The following RMDN2 variants were observed in gnomAD, a reference collection of about 807,000 sequenced individuals.
RMDN2 encodes the protein regulator of microtubule dynamics 2.
In RMDN2, 61 loss-of-function variants were observed where a neutral mutation model predicts 52.8. The ratio of observed to expected loss-of-function variants is 1.16; its 90% CI spans 0.94 to 1.43. The LOEUF is 1.43. RMDN2 is among the 40% of genes most tolerant of loss of function. RMDN2 has a pLI of 0.00. For missense variants in RMDN2, 592 were observed against 475.3 expected (o/e 1.25, Z -2.28); for synonymous variants, 180 against 153.1 (o/e 1.18, Z -1.30).
rs1671066944 is a variant in RMDN2, at chr2:37,966,460, C to G, written c.453-7580C>G. ...CTTACATTTGTATTTCATTGTGTTT[C>G]CTAGATTTGGCTTTGGCCGTTGTTT... On this transcript the variant is annotated intron_variant, in intron 2 of 10. Transcript: ENST00000354545. Among the ~76,000 whole-genome samples the G allele has an allele frequency of 1.8e-3, 3 of 1,706 alleles. No individual in the cohort carries two copies. In the South Asian group the frequency reaches 0.083, roughly 47 times the overall value. 1.1% of individuals were successfully genotyped at this position (1,706 alleles called of 152,430 possible).
intron 1 of RMDN2, among the ~76,000 whole-genome samples, chr2:37,926,943 C>G (rs1017356697): frequency 1.5e-4 from 22 of 150,302 alleles, no homozygotes; most frequent in African/African-American, 4.9e-4. Flanking sequence ...AAAAAAAAAG[C>G]TATGTAAATG....
intron 10 of RMDN2, among the ~76,000 whole-genome samples, chr2:38,048,369 G>T (rs554588149): frequency 2.9e-4 from 44 of 152,172 alleles, no homozygotes; most frequent in Non-Finnish European, 5.1e-4. Context: ...TATTTCTTGG[G>T]CAGGACTTTA....
chr2:37,932,942 G>C (rs1476754940), intron 2 of RMDN2, among the ~76,000 whole-genome samples: 1 of 151,560 alleles, frequency 6.6e-6, no homozygotes, highest in Non-Finnish European at 1.5e-5. Flanking sequence ...TCCCGGACGA[G>C]GTGGCTGCCG....
At position 38,017,714 on chromosome 2, in the gene RMDN2, A is replaced by G. The variant is rs1678997837; in HGVS notation, c.*475A>G. On this transcript the variant is annotated 3_prime_UTR_variant, in exon 11 of 11. Transcript: ENST00000354545. ...ACTGGTAATCAAAAGATGTGAATAA[A>G]ATTACAATAAAATACTGTTTTACCA... The G allele has an allele frequency of 2.5e-6, 1 of 407,718 alleles. No homozygotes were observed. The highest frequency in any genetic ancestry group is 2.4e-5 in the South Asian group (1 of 40,850). The allele number at this position is 407,718 out of a possible 1,614,324, so 25.3% of individuals were successfully genotyped here. A position where few individuals can be genotyped will look rare whatever the true frequency, so the allele number is the denominator to read the frequency against.
chr2:37,998,003 C>G, intron 8 of RMDN2: 1 of 168,346 alleles, frequency 5.9e-6, no homozygotes, highest in Non-Finnish European at 1.3e-5. Context: ...GGGTATCAGA[C>G]CAAATCAGTA....
upstream of RMDN2, among the ~76,000 whole-genome samples, chr2:37,924,376 TTTTG>T (rs761817750): frequency 3.9e-5 from 6 of 152,162 alleles, no homozygotes; most frequent in Non-Finnish European, 7.4e-5. Flanking sequence ...GTATGTACTG[TTTTG>T]TTTTTGTTTT....
chr2:37,938,146 A>C (rs1206559812), intron 2 of RMDN2, among the ~76,000 whole-genome samples: 2 of 152,092 alleles, frequency 1.3e-5, no homozygotes, highest in Non-Finnish European at 2.9e-5. Flanking sequence ...GCATCTATTG[A>C]GATAATCGTG....
chr2:37,932,815 G>A lies in RMDN2; in HGVS notation c.452+3086G>A, dbSNP rs1358618497. Among the ~76,000 whole-genome samples the A allele has an allele frequency of 3.8e-4, 50 of 131,710 alleles. 4 individuals carry two copies. The highest frequency in any genetic ancestry group is 6.0e-4 in the Non-Finnish European group (35 of 58,172). The allele number at this position is 131,710 out of a possible 152,430, so 86.4% of individuals were successfully genotyped here. A position where few individuals can be genotyped will look rare whatever the true frequency, so the allele number is the denominator to read the frequency against. ...GACGGGGCGGCTGGCTGGGCGGGGG[G>A]CTGACCCCCCGACCTCCCTCCCGGA... On this transcript the variant is annotated intron_variant, in intron 2 of 10. Transcript: ENST00000354545.
downstream of RMDN2, among the ~76,000 whole-genome samples, chr2:38,020,708 G>A (rs1025498585): frequency 6.6e-6 from 1 of 152,184 alleles, no homozygotes; most frequent in South Asian, 2.1e-4. Context: ...GCTCACTGGC[G>A]GTGTGCTGGA....
chr2:37,980,561 C>T (rs1281596665), intron 4 of RMDN2, among the ~76,000 whole-genome samples: 3 of 152,160 alleles, frequency 2.0e-5, no homozygotes, highest in Non-Finnish European at 2.9e-5. Context: ...GCCTCGGCCT[C>T]CCAAAGTGCT....
At chr2:37,966,008 A>C (rs1315868291) in intron 2 of RMDN2, among the ~76,000 whole-genome samples, 2 of 152,154 alleles carry the variant, frequency 1.3e-5, no homozygotes, top group Admixed American at 1.3e-4. Flanking sequence ...CCTTAAATGT[A>C]ATGAGTTGCT....
intron 10 of RMDN2, among the ~76,000 whole-genome samples, chr2:38,061,682 G>A (rs1455525568): frequency 4.0e-5 from 4 of 99,252 alleles, no homozygotes; most frequent in Non-Finnish European, 9.1e-5. Flanking sequence ...ATAATTAACT[G>A]AAATCTTATT....
At chr2:38,057,785 C>T (rs541419157) in intron 10 of RMDN2, among the ~76,000 whole-genome samples, 149 of 152,266 alleles carry the variant, frequency 9.8e-4, no homozygotes, top group African/African-American at 3.4e-3. Context: ...GTATGTAGCA[C>T]CTTCCCCCTC....
rs1401455956 is a variant in RMDN2 at position 37,981,327 on chromosome 2, G to A, written c.775G>A (p.Gly259Arg). Residue 259 changes from glycine to arginine, a missense_variant, in exon 5 of 11, where the codon GGA becomes AGA. Gly to Arg is a moderately radical substitution (Grantham distance 125). Transcript: ENST00000354545. ...AGCTATTAATAGAGCACCCATGAATGGACATTGTCATCTGTGGTAAGTGTA... is the reference window on the plus strand; with the variant it reads ...AGCTATTAATAGAGCACCCATGAATAGACATTGTCATCTGTGGTAAGTGTA... ...ERAINRAPMN[G>R]HCHLWYAVLC... 1.2e-6 allele frequency: 2 copies of A among 1,606,130 alleles called. No individual in the cohort carries two copies. Among genetic ancestry groups the A allele is most frequent in the Non-Finnish European group, 1.7e-6 (2 of 1,172,958 alleles).
intron 10 of RMDN2, chr2:38,036,705 TTTC>T (rs1388260260): frequency 6.6e-6 from 1 of 152,214 alleles, no homozygotes; most frequent in African/African-American, 2.4e-5. Flanking sequence ...TCAAAGCTCT[TTTC>T]TTCTGTGCTG....
intron 2 of RMDN2, among the ~76,000 whole-genome samples, chr2:37,943,776 T>C (rs1257139077): frequency 6.6e-6 from 1 of 152,234 alleles, no homozygotes; most frequent in East Asian, 1.9e-4. Context: ...AAATTAACTT[T>C]GCGAAGTTGG....
intron 10 of RMDN2, among the ~76,000 whole-genome samples, chr2:38,028,639 C>T (rs1169821932): frequency 6.6e-6 from 1 of 152,162 alleles, no homozygotes; most frequent in Non-Finnish European, 1.5e-5. Context: ...GTGCAAATGG[C>T]TGTGCTGCAG....
At chr2:37,976,594 G>A (rs1672496889) in intron 4 of RMDN2, among the ~76,000 whole-genome samples, 1 of 152,194 alleles carries the variant, frequency 6.6e-6, no homozygotes, top group African/African-American at 2.4e-5. Flanking sequence ...CCAGTGGGAG[G>A]AGGATGAGAG....
At position 38,007,917 on chromosome 2, in the gene RMDN2, G is replaced by A. The variant is rs576025314; in HGVS notation, c.1179+3701G>A. Among the ~76,000 whole-genome samples, 32 of 152,022 alleles carry A rather than the reference G, an allele frequency of 2.1e-4. 1 individual carries two copies. In the South Asian group the frequency reaches 4.4e-3, roughly 21 times the overall value. On this transcript the variant is annotated intron_variant, in intron 10 of 10. Transcript: ENST00000354545. Reference sequence around the variant, plus strand: ...TCTGATATGTTGTATCTTTGTTCTCGTTGGTTTCAAAGAACATCTTTATTT... The same window carrying A: ...TCTGATATGTTGTATCTTTGTTCTCATTGGTTTCAAAGAACATCTTTATTT...
Sources: gnomAD v4.1 joint callset for allele counts (sites outside exome capture counted in the v4.1 genomes callset) on GRCh38, gnomAD v4.1.1 for gene constraint, MANE v1.5 for transcripts, NCBI Gene and HGNC (gene_info 2026-07-23, HGNC 2026-07-21) for gene names.